Variants in NRIP1 observed in about 807,000 individuals in gnomAD.
The protein encoded by NRIP1 is nuclear receptor-interacting protein 1.
In NRIP1, 28 loss-of-function variants were observed where a neutral mutation model predicts 75.0. The ratio of observed to expected loss-of-function variants is 0.37; its 90% CI spans 0.28 to 0.51. The LOEUF (loss-of-function observed/expected upper bound fraction) is 0.51, where lower values mean the gene tolerates loss of function less well. Among genes scored for constraint, NRIP1 ranks in the 20% least tolerant of loss-of-function variants. The pLI, the probability that NRIP1 is intolerant of heterozygous loss-of-function variation, is 0.92. For missense variants in NRIP1, 1,435 were observed against 1,343.7 expected (o/e 1.07, Z -1.06); for synonymous variants, 526 against 487.6 (o/e 1.08, Z -1.04).
rs1397027701 is a variant in NRIP1, at chr21:14,964,603, A to G, written c.*113T>C. The G allele has an allele frequency of 2.2e-6, 2 of 892,094 alleles. No individual in the cohort carries two copies. The highest frequency in any genetic ancestry group is 2.6e-5 in the East Asian group (1 of 38,546). The allele number at this position is 892,094 out of a possible 1,614,324, so 55.3% of individuals were successfully genotyped here. ...CCAGTAACCAATACTTTTCAAAATG[A>G]AAAAAGTTTCAATTATACCATGCTT... On this transcript the variant is annotated 3_prime_UTR_variant, in exon 4 of 4. Coordinates refer to ENST00000318948, the MANE Select transcript of NRIP1 (RefSeq NM_003489.4).
At chr21:15,036,825 A>G (rs2088844356) in intron 2 of NRIP1, among the ~76,000 whole-genome samples, 3 of 152,196 alleles carry the variant, frequency 2.0e-5, no homozygotes, top group Non-Finnish European at 2.9e-5. Context: ...AATCTGTGAA[A>G]TGATTCTTTT....
In NRIP1 at chr21:15,035,954, A is replaced by G. The variant is rs572406169; in HGVS notation, c.-458+7541T>C. Among the ~76,000 whole-genome samples, 3 of 152,350 alleles carry G rather than the reference A, an allele frequency of 2.0e-5. No individual in the cohort carries two copies. In the East Asian group the frequency reaches 5.8e-4, roughly 29 times the overall value. Reference sequence around the variant, plus strand: ...TAACGATTTCTTATTTTCTGAAATTACTGCGAAAATGGCAAATTAGCAGTA... The same window carrying G: ...TAACGATTTCTTATTTTCTGAAATTGCTGCGAAAATGGCAAATTAGCAGTA... On this transcript the variant is annotated intron_variant, in intron 2 of 3. Transcript: ENST00000318948.
At chr21:15,057,414 G>A (rs1355741736) in intron 1 of NRIP1, among the ~76,000 whole-genome samples, 1 of 152,218 alleles carries the variant, frequency 6.6e-6, no homozygotes, top group Non-Finnish European at 1.5e-5. Flanking sequence ...AGTTAGCACT[G>A]GAGGGAAAAG....
chr21:15,045,210 G>A (rs1317608277), intron 1 of NRIP1, among the ~76,000 whole-genome samples: 1 of 152,098 alleles, frequency 6.6e-6, no homozygotes, highest in Non-Finnish European at 1.5e-5. Flanking sequence ...TGGGACTCTA[G>A]TGTCGCTGTC....
chr21:14,970,935 T>C (rs2086887522), intron 3 of NRIP1, among the ~76,000 whole-genome samples: 2 of 152,230 alleles, frequency 1.3e-5, no homozygotes, highest in African/African-American at 4.8e-5. Context: ...AAAGGAATTA[T>C]CACAGTTTCC....
Position 14,967,846 on chromosome 21 carries a change from A to G in NRIP1, c.347T>C (p.Leu116Pro). ...MNLNVKKEAL[L>P]AGMVDSVPKG... The stretch of plus-strand genomic sequence containing the variant: ...AGGCACACTGTCAACCATGCCAGCT[A>G]GCAAAGCTTCCTTCTTTACGTTTAA... Residue 116 changes from leucine (L) to proline (P), a missense_variant, in exon 4 of 4, where the codon CTA becomes CCA. Leu to Pro is a moderately conservative substitution (Grantham distance 98). Coordinates refer to ENST00000318948, the MANE Select transcript of NRIP1 (RefSeq NM_003489.4). The G allele has an allele frequency of 6.2e-7, 1 of 1,614,046 alleles. No homozygotes were observed. The highest frequency in any genetic ancestry group is 8.5e-7 in the Non-Finnish European group (1 of 1,180,004).
chr21:15,029,710 G>A (rs1327701280), intron 2 of NRIP1, among the ~76,000 whole-genome samples: 1 of 152,124 alleles, frequency 6.6e-6, no homozygotes, highest in Non-Finnish European at 1.5e-5. Flanking sequence ...CCAGTGCTTT[G>A]AGAGGCTGAG....
chr21:14,981,210 T>C (rs2822991), intron 3 of NRIP1, among the ~76,000 whole-genome samples: 28,676 of 152,202 alleles, frequency 0.19, 3,105 homozygotes, highest in East Asian at 0.45. Flanking sequence ...TCTGTCAACT[T>C]GGAAAATGAA....
intron 1 of NRIP1, among the ~76,000 whole-genome samples, chr21:15,048,229 C>G (rs186492075): frequency 2.0e-5 from 3 of 152,062 alleles, no homozygotes; most frequent in African/African-American, 4.8e-5. Context: ...AACATGACCA[C>G]AAAGACACAA....
chr21:14,987,389 T>A (rs930021207), intron 3 of NRIP1, among the ~76,000 whole-genome samples: 1 of 152,108 alleles, frequency 6.6e-6, no homozygotes, highest in African/African-American at 2.4e-5. Flanking sequence ...GTCTGACTAT[T>A]GGTCTTTTTG....
intron 1 of NRIP1, among the ~76,000 whole-genome samples, chr21:15,047,275 C>T (rs2089101009): frequency 1.4e-5 from 2 of 146,742 alleles, no homozygotes; most frequent in Admixed American, 6.7e-5. Context: ...GGCGCGGTGG[C>T]TCACGCCTGT....
chr21:14,990,515 G>C (rs1369850969), intron 3 of NRIP1, among the ~76,000 whole-genome samples: 1 of 152,124 alleles, frequency 6.6e-6, no homozygotes, highest in East Asian at 1.9e-4. Context: ...AGTGTAGAGG[G>C]AATGTCTTTT....
chr21:14,965,730 T>C lies in NRIP1; in HGVS notation c.2463A>G (p.Arg821=). Residue 821 remains arginine (R), a synonymous_variant, in exon 4 of 4, where the codon CGA becomes CGG. Coordinates refer to ENST00000318948, the MANE Select transcript of NRIP1 (RefSeq NM_003489.4). ...FSFSKNGLLS[R]LLRQNQDSYL... Reference sequence around the variant, plus strand: ...AACTATCTTGATTTTGTCTTAGCAATCGACTTAGCAGACCATTCTTGGAGA... The same window carrying C: ...AACTATCTTGATTTTGTCTTAGCAACCGACTTAGCAGACCATTCTTGGAGA... 1.2e-6 allele frequency: 2 copies of C among 1,614,008 alleles called. No individual in the cohort carries two copies. Among genetic ancestry groups the C allele is most frequent in the Non-Finnish European group, 1.7e-6 (2 of 1,179,982 alleles).
chr21:15,061,109 A>ACT (rs1444602012), intron 1 of NRIP1, among the ~76,000 whole-genome samples: 1 of 152,116 alleles, frequency 6.6e-6, no homozygotes, highest in Non-Finnish European at 1.5e-5. Flanking sequence ...ACAGATTCAA[A>ACT]CTCATATCCT....
Position 14,967,014 on chromosome 21 carries a change from C to T in NRIP1, c.1179G>A (p.Met393Ile), listed in dbSNP as rs377732400. The T allele has an allele frequency of 6.2e-6, 10 of 1,614,034 alleles. No homozygotes were observed. The highest frequency in any genetic ancestry group is 3.3e-4 in the Middle Eastern group (2 of 6,084). ...LLKSQTIPKPMNGHSHSERGS... is the reference protein window; with the variant it reads ...LLKSQTIPKPINGHSHSERGS... ...CTCTCTCACTGTGACTGTGTCCATT[C>T]ATTGGCTTAGGTATAGTCTGGCTTT... is the stretch of plus-strand genomic sequence containing the variant. Residue 393 changes from methionine to isoleucine, a missense_variant, in exon 4 of 4, where the codon ATG (methionine) becomes ATA (isoleucine). Coordinates refer to ENST00000318948, the MANE Select transcript of NRIP1 (RefSeq NM_003489.4).
chr21:15,027,588 G>A (rs1271999176), intron 2 of NRIP1, among the ~76,000 whole-genome samples: 1 of 152,156 alleles, frequency 6.6e-6, no homozygotes, highest in Non-Finnish European at 1.5e-5. Context: ...AAAGAATGAG[G>A]CTAATTCATA....
chr21:14,985,423 A>G (rs2087370032), intron 3 of NRIP1, among the ~76,000 whole-genome samples: 1 of 152,194 alleles, frequency 6.6e-6, no homozygotes, highest in Admixed American at 6.5e-5. Flanking sequence ...CTGTGGGTTT[A>G]GAAAACATGC....
chr21:15,039,599 G>C (rs1352985435), intron 2 of NRIP1, among the ~76,000 whole-genome samples: 2 of 152,076 alleles, frequency 1.3e-5, no homozygotes, highest in African/African-American at 4.8e-5. Flanking sequence ...GTAATGAGAA[G>C]TCATAGGCAC....
At chr21:14,994,314 G>T (rs771633908) in intron 3 of NRIP1, among the ~76,000 whole-genome samples, 1 of 152,120 alleles carries the variant, frequency 6.6e-6, no homozygotes, top group South Asian at 2.1e-4. Flanking sequence ...TAGTAGAGAC[G>T]AGGTTTCGCC....
Sources: allele counts gnomAD v4.1 joint callset (sites outside exome capture counted in the v4.1 genomes callset), GRCh38; gene constraint gnomAD v4.1.1; transcripts MANE v1.5; gene names NCBI Gene and HGNC (gene_info 2026-07-23, HGNC 2026-07-21).